Variants in POLI observed in about 807,000 individuals in gnomAD.
POLI encodes RAD30 homolog B.
In POLI, 58 loss-of-function variants were observed where a neutral mutation model predicts 51.6. That is an observed-to-expected ratio of 1.12 (90% confidence interval 0.91 to 1.40). The LOEUF is 1.40. Ranked by LOEUF, POLI falls within the 40% of genes most tolerant of loss-of-function variation. The pLI, the probability that POLI is intolerant of heterozygous loss-of-function variation, is 0.00. For missense variants in POLI, 921 were observed against 871.3 expected (o/e 1.06, Z -0.72); for synonymous variants, 322 against 299.7 (o/e 1.07, Z -0.77).
rs1156232374 is a variant in POLI, at chr18:54,269,525, C to A, written c.-22C>A. The A allele has an allele frequency of 2.6e-5, 39 of 1,506,922 alleles. No individual in the cohort carries two copies. Among genetic ancestry groups the A allele is most frequent in the Non-Finnish European group, 2.9e-5 (33 of 1,131,968 alleles). The allele number at this position is 1,506,922 out of a possible 1,614,324, so 93.3% of individuals were successfully genotyped here. A position where few individuals can be genotyped will look rare whatever the true frequency, so the allele number is the denominator to read the frequency against. On this transcript the variant is annotated 5_prime_UTR_variant, in exon 1 of 10. Coordinates refer to ENST00000579534, the MANE Select transcript of POLI (RefSeq NM_007195.3). The stretch of plus-strand genomic sequence containing the variant: ...ACCAGGCGGAAGCGGCCGGAAGTAG[C>A]GCTGCGGTTGGCAGCGGCGGGATGG...
Position 54,274,031 on chromosome 18 carries a change from T to C in POLI, c.347T>C (p.Leu116Ser). 6.4e-7 allele frequency: 1 copy of C among 1,571,476 alleles called. No individual in the cohort carries two copies. The change falls in exon 3 of 10, where the codon TTG (leucine) becomes TCG (serine). Residue 116 changes from leucine to serine, a missense_variant. Coordinates refer to ENST00000579534, the MANE Select transcript of POLI (RefSeq NM_007195.3). ...VRDAKEKCPQ[L>S]VLVNGEDLTR... ...GATGCAAAAGAAAAGTGTCCACAGT[T>C]GGTATTAGTTAATGGAGAAGACCTG...
intron 7 of POLI, among the ~76,000 whole-genome samples, chr18:54,285,890 C>T (rs376547094): frequency 1.4e-4 from 21 of 151,970 alleles, no homozygotes; most frequent in East Asian, 5.8e-4. Context: ...TATGTTTTTG[C>T]GATAGGGTCT....
intron 3 of POLI, among the ~76,000 whole-genome samples, chr18:54,304,160 T>A (rs1026059809): frequency 6.6e-6 from 1 of 152,190 alleles, no homozygotes; most frequent in African/African-American, 2.4e-5. Context: ...CAGTCTATCA[T>A]TGATGGACAT....
At chr18:54,312,634 T>G (rs2088683412) in intron 3 of POLI, among the ~76,000 whole-genome samples, 1 of 152,224 alleles carries the variant, frequency 6.6e-6, no homozygotes, top group Non-Finnish European at 1.5e-5. Context: ...TTTTGACTTT[T>G]TAACAAAAGC....
rs2088331991 is a variant in POLI at position 54,296,417 on chromosome 18, C to T, written c.*1950C>T. 1 of 956,472 alleles carries T rather than the reference C, an allele frequency of 1.0e-6. No individual in the cohort carries two copies. The highest frequency in any genetic ancestry group is 1.2e-6 in the Non-Finnish European group (1 of 803,598). The allele number at this position is 956,472 out of a possible 1,614,324, so 59.2% of individuals were successfully genotyped here. On this transcript the variant is annotated 3_prime_UTR_variant, in exon 10 of 10. Coordinates refer to ENST00000579534, the MANE Select transcript of POLI (RefSeq NM_007195.3). ...TCAACTTTTTTATGGGATCTTTTTT[C>T]TCTGTTTTTAAGATTATCTCTTTTT...
At chr18:54,287,499 G>A in intron 8 of POLI, 88 bp downstream of exon 8, 1 of 939,142 alleles carries the variant, frequency 1.1e-6, no homozygotes, top group Admixed American at 2.2e-5. Flanking sequence ...CAAAAATGGA[G>A]GGTCTTCACA....
At chr18:54,315,086 A>T (rs1202986112) in intron 3 of POLI, among the ~76,000 whole-genome samples, 2 of 152,068 alleles carry the variant, frequency 1.3e-5, no homozygotes, top group African/African-American at 2.4e-5. Flanking sequence ...TCTAACATTG[A>T]TGTAGGCATC....
chr18:54,288,907 A>G (rs1389892726), intron 8 of POLI, among the ~76,000 whole-genome samples: 2 of 152,096 alleles, frequency 1.3e-5, no homozygotes, highest in Non-Finnish European at 2.9e-5. Flanking sequence ...GGACATATCT[A>G]TAATAATGAA....
intron 3 of POLI, among the ~76,000 whole-genome samples, chr18:54,318,596 A>G (rs1057375308): frequency 1.3e-5 from 2 of 152,152 alleles, no homozygotes; most frequent in African/African-American, 4.8e-5. Flanking sequence ...CTTTGTAGAA[A>G]TCTTTTAAAC....
chr18:54,296,564 C>A lies in POLI; in HGVS notation c.*2097C>A. ...GTTCTGTAAAATTCTCAACCACTAG[C>A]TCTTCAAATATTTCTTCTCTATTCT... is the stretch of plus-strand genomic sequence containing the variant. On this transcript the variant is annotated 3_prime_UTR_variant, in exon 10 of 10. Transcript: ENST00000579534. 1 of 170,850 alleles carries A rather than the reference C, an allele frequency of 5.9e-6. No homozygotes were observed. Among genetic ancestry groups the A allele is most frequent in the Non-Finnish European group, 1.2e-5 (1 of 85,064 alleles). The allele number at this position is 170,850 out of a possible 1,614,324, so 10.6% of individuals were successfully genotyped here.
chr18:54,312,353 T>C lies in POLI; in HGVS notation c.334-7920T>C, dbSNP rs547859571. Among the ~76,000 whole-genome samples the C allele has an allele frequency of 2.6e-5, 4 of 152,266 alleles. 1 individual carries two copies. The highest frequency in any genetic ancestry group is 9.6e-5 in the African/African-American group (4 of 41,560). ...CATATTATCTTTATCGAGTATATCA[T>C]TGATGGGCACCTGGGTTGATTCCTA... On this transcript the variant is annotated intron_variant, in intron 3 of 4. Transcript: ENST00000579823.
chr18:54,310,459 C>A (rs1420391464), intron 3 of POLI, among the ~76,000 whole-genome samples: 1 of 149,178 alleles, frequency 6.7e-6, no homozygotes, highest in Non-Finnish European at 1.5e-5. Context: ...TCTCTCTTAT[C>A]CTGTTACCTC....
intron 9 of POLI, 148 bp downstream of exon 9, chr18:54,292,186 C>A (rs2088052391): frequency 7.3e-6 from 4 of 550,710 alleles, no homozygotes; most frequent in Admixed American, 3.5e-5. Context: ...GTTTATAATA[C>A]CTATCTTATG....
At position 54,271,455 on chromosome 18, in the gene POLI, T is replaced by TCAAATCCAGA. The variant is rs1194706709; in HGVS notation, c.212_221dup (p.Glu74AspfsTer24). 6.2e-7 allele frequency: 1 copy of TCAAATCCAGA among 1,607,654 alleles called. No individual in the cohort carries two copies. Among genetic ancestry groups the TCAAATCCAGA allele is most frequent in the Non-Finnish European group, 8.5e-7 (1 of 1,175,162 alleles). ...CTTTTATGCACAAGTAGAAATGATCTCAAATCCAGAGCTAAAAGACAAACC... is the reference window on the plus strand; with the variant it reads ...CTTTTATGCACAAGTAGAAATGATCTCAAATCCAGACAAATCCAGAGCTAAAAGACAAACC... On this transcript the variant is annotated frameshift_variant, in exon 2 of 10. Transcript: ENST00000579534. LOFTEE classifies it high-confidence loss of function.
Position 54,271,458 on chromosome 18 carries a change from A to C in POLI, c.214A>C (p.Asn72His). Residue 72 changes from asparagine to histidine, a missense_variant, in exon 2 of 10, where the codon AAT becomes CAT. By Grantham distance (68) the Asn-to-His change is moderately conservative. Transcript: ENST00000579534. Reference sequence around the variant, plus strand: ...TTATGCACAAGTAGAAATGATCTCAAATCCAGAGCTAAAAGACAAACCTTT... The same window carrying C: ...TTATGCACAAGTAGAAATGATCTCACATCCAGAGCTAAAAGACAAACCTTT... ...CFYAQVEMIS[N>H]PELKDKPLGV... 6.2e-7 allele frequency: 1 copy of C among 1,607,364 alleles called. No individual in the cohort carries two copies. The highest frequency in any genetic ancestry group is 8.5e-7 in the Non-Finnish European group (1 of 1,174,946).
Position 54,294,506 on chromosome 18 carries a change from C to T in POLI, c.*39C>T. 6.5e-7 allele frequency: 1 copy of T among 1,530,582 alleles called. No homozygotes were observed. The highest frequency in any genetic ancestry group is 1.3e-5 in the South Asian group (1 of 75,262). The allele number at this position is 1,530,582 out of a possible 1,614,324, so 94.8% of individuals were successfully genotyped here. ...AAAGGTCTGAAAAGCAAGGGAATAC[C>T]ATTATTTTCGGATTAGCGGTTTATT... On this transcript the variant is annotated 3_prime_UTR_variant, in exon 10 of 10. Coordinates refer to ENST00000579534, the MANE Select transcript of POLI (RefSeq NM_007195.3).
In POLI at chr18:54,269,907, C is replaced by T. The variant is rs1004955945; in HGVS notation, c.115+246C>T. ...ATACGTGTCGAGGGTTTATCTGCGC[C>T]GTCCTTTCCTCTGTGAGGGGCGAGG... On this transcript the variant is annotated intron_variant, in intron 1 of 9. Coordinates refer to ENST00000579534, the MANE Select transcript of POLI (RefSeq NM_007195.3). The T allele has an allele frequency of 5.7e-6, 7 of 1,227,894 alleles. No homozygotes were observed. In the South Asian group the frequency reaches 1.0e-4, roughly 18 times the overall value. The allele number at this position is 1,227,894 out of a possible 1,614,324, so 76.1% of individuals were successfully genotyped here.
intron 3 of POLI, among the ~76,000 whole-genome samples, chr18:54,316,221 C>A (rs1167747153): frequency 1.3e-5 from 2 of 152,098 alleles, no homozygotes; most frequent in East Asian, 3.9e-4. Context: ...GACATCTATG[C>A]CTTTTAAGTT....
chr18:54,270,096 G>A (rs1568113200), intron 1 of POLI: 2 of 946,576 alleles, frequency 2.1e-6, no homozygotes, highest in East Asian at 2.3e-4. Context: ...AGTCAGGTCC[G>A]CTGTGGTCAC....
Sources: gnomAD v4.1 joint callset for allele counts (sites outside exome capture counted in the v4.1 genomes callset) on GRCh38, gnomAD v4.1.1 for gene constraint, MANE v1.5 for transcripts, NCBI Gene and HGNC (gene_info 2026-07-23, HGNC 2026-07-21) for gene names.